The following EYS variants were observed in gnomAD, a reference collection of about 807,000 sequenced individuals.
EYS encodes protein eyes shut homolog.
EYS carries 250 observed loss-of-function variants against 282.1 expected under a neutral mutation model. The ratio of observed to expected loss-of-function variants is 0.89; its 90% CI spans 0.80 to 0.98. The LOEUF (loss-of-function observed/expected upper bound fraction) is 0.98, where lower values mean the gene tolerates loss of function less well. EYS is among the 50% of genes least tolerant of loss of function. EYS has a pLI of 0.00. For synonymous variants in EYS, 1,355 were observed against 1,282.9 expected, an observed-to-expected ratio of 1.06 and a Z score of -1.20; for missense variants, 4,016 against 3,709.0, an observed-to-expected ratio of 1.08 and a Z score of -2.15.
In EYS at chr6:65,326,193, T is replaced by A. The variant is rs182946115; in HGVS notation, c.1766+8787A>T. Among the ~76,000 whole-genome samples, 599 of 152,108 alleles carry A rather than the reference T, an allele frequency of 3.9e-3. 1 individual carries two copies. Among genetic ancestry groups the A allele is most frequent in the Non-Finnish European group, 6.2e-3 (420 of 67,934 alleles). The stretch of plus-strand genomic sequence containing the variant: ...TATACATTTTTATATAACACCTGTA[T>A]CTGTTTTTCCTTTAATTGCTTCTCA... On this transcript the variant is annotated intron_variant, in intron 11 of 42. Coordinates refer to ENST00000503581, the MANE Select transcript of EYS (RefSeq NM_001142800.2).
chr6:64,320,876 C>T (rs1308722283), intron 29 of EYS, among the ~76,000 whole-genome samples: 1 of 151,674 alleles, frequency 6.6e-6, no homozygotes, highest in Non-Finnish European at 1.5e-5. Flanking sequence ...AACCTATATG[C>T]TTTTTAAAAA....
chr6:64,589,869 T>C (rs563736729), intron 26 of EYS, among the ~76,000 whole-genome samples: 23 of 152,250 alleles, frequency 1.5e-4, no homozygotes, highest in Admixed American at 9.2e-4. Flanking sequence ...GAGTATGTTA[T>C]ATTGTGTTCA....
At chr6:64,012,893 G>C (rs960397279) in intron 33 of EYS, among the ~76,000 whole-genome samples, 6 of 152,150 alleles carry the variant, frequency 3.9e-5, no homozygotes, top group African/African-American at 1.4e-4. Flanking sequence ...TCGTCACAGA[G>C]TTGGCCAGCC....
At chr6:64,616,380 A>G (rs921159058) in intron 24 of EYS, among the ~76,000 whole-genome samples, 1 of 152,086 alleles carries the variant, frequency 6.6e-6, no homozygotes, top group African/African-American at 2.4e-5. Context: ...CCTAGGGCAA[A>G]TCCAAAATTA....
chr6:63,864,409 T>G, intron 35 of EYS, 51 bp from the exon 36 acceptor site: 1 of 1,358,992 alleles, frequency 7.4e-7, no homozygotes, highest in Non-Finnish European at 1.0e-6. Context: ...TGATATTTTC[T>G]ACACACATAC....
chr6:64,878,649 G>A (rs1766824389), intron 19 of EYS, among the ~76,000 whole-genome samples: 1 of 151,486 alleles, frequency 6.6e-6, no homozygotes, highest in African/African-American at 2.4e-5. Context: ...TTCTCTGTGT[G>A]TGTTTGCGTG....
intron 15 of EYS, among the ~76,000 whole-genome samples, chr6:64,940,195 T>G (rs1769043519): frequency 6.6e-6 from 1 of 152,024 alleles, no homozygotes; most frequent in South Asian, 2.1e-4. Context: ...TCTAACATCC[T>G]TTTATTTAGA....
At chr6:64,703,056 T>C (rs1203068482) in intron 22 of EYS, among the ~76,000 whole-genome samples, 1 of 152,006 alleles carries the variant, frequency 6.6e-6, no homozygotes, top group African/African-American at 2.4e-5. Flanking sequence ...TTCAGAAATT[T>C]TGCTGTAATC....
intron 26 of EYS, among the ~76,000 whole-genome samples, chr6:64,520,664 T>C (rs755996238): frequency 3.3e-5 from 5 of 151,808 alleles, no homozygotes; most frequent in Non-Finnish European, 7.4e-5. Flanking sequence ...AGACTGGATA[T>C]GCACATTGAG....
At chr6:65,114,381 G>A (rs1775307636) in intron 12 of EYS, among the ~76,000 whole-genome samples, 1 of 148,916 alleles carries the variant, frequency 6.7e-6, no homozygotes, top group Admixed American at 6.7e-5. Context: ...AGCAGCAGCA[G>A]CAGAATCTTT....
intron 2 of EYS, among the ~76,000 whole-genome samples, chr6:65,629,908 C>T (rs1766853806): frequency 1.3e-5 from 2 of 152,134 alleles, no homozygotes; most frequent in South Asian, 2.1e-4. Context: ...TAAAAAAATC[C>T]TGCACAGCCT....
chr6:64,676,933 G>A (rs776041718), intron 22 of EYS, among the ~76,000 whole-genome samples: 4 of 152,048 alleles, frequency 2.6e-5, no homozygotes, highest in Admixed American at 2.0e-4. Context: ...ATGAATCAAC[G>A]TATGAATTTT....
At chr6:65,236,281 A>G (rs10485312) in intron 12 of EYS, among the ~76,000 whole-genome samples, 35,954 of 151,930 alleles carry the variant, frequency 0.24, 4,409 homozygotes, top group Middle Eastern at 0.28. Flanking sequence ...TACATACTCA[A>G]TTACACCATA....
intron 34 of EYS, among the ~76,000 whole-genome samples, chr6:63,988,307 G>C (rs1331842274): frequency 1.3e-5 from 2 of 151,622 alleles, no homozygotes; most frequent in African/African-American, 4.8e-5. Context: ...GTTTTGACAA[G>C]TGTGCTCTTT....
chr6:64,439,288 T>C lies in EYS; in HGVS notation c.5709A>G (p.Pro1903=). 6.5e-7 allele frequency: 1 copy of C among 1,527,234 alleles called. No homozygotes were observed. The highest frequency in any genetic ancestry group is 8.8e-7 in the Non-Finnish European group (1 of 1,136,974). The allele number at this position is 1,527,234 out of a possible 1,614,324, so 94.6% of individuals were successfully genotyped here. Residue 1903 remains proline (P), a synonymous_variant, in exon 27 of 43, where the codon CCA becomes CCG. Transcript: ENST00000503581. ...YLEFQNVALN[P]QNNISLEFQT... ...GAAATTCTAGGGAGATGTTATTTTG[T>C]GGATTTAAAGCCACATTCTGAAATT...
In EYS at chr6:65,274,909, G is replaced by GGAGAGAGA. The variant is rs3042964; in HGVS notation, c.2023+20946_2023+20953dup. ...GGTTCCTCCTACAGCCAAAAAAAAA[G>GGAGAGAGA]GAGAGAGAGAGAGAGAGAGAGAGAG... On this transcript the variant is annotated intron_variant, in intron 12 of 42. Coordinates refer to ENST00000503581, the MANE Select transcript of EYS (RefSeq NM_001142800.2). Among the ~76,000 whole-genome samples, 114 of 148,524 alleles carry GGAGAGAGA rather than the reference G, an allele frequency of 7.7e-4. 1 individual carries two copies. Among genetic ancestry groups the GGAGAGAGA allele is most frequent in the Middle Eastern group, 3.5e-3 (1 of 288 alleles).
chr6:64,719,360 T>C (rs58879367), intron 22 of EYS, among the ~76,000 whole-genome samples: 19,092 of 152,166 alleles, frequency 0.13, 1,398 homozygotes, highest in East Asian at 0.35. Flanking sequence ...ATGGGAACAA[T>C]AGAAAATGTA....
intron 29 of EYS, among the ~76,000 whole-genome samples, chr6:64,384,596 T>C (rs1772850660): frequency 6.6e-6 from 1 of 152,174 alleles, no homozygotes; most frequent in African/African-American, 2.4e-5. Context: ...ACATCTGCAT[T>C]TACTAGGAAT....
chr6:65,513,676 C>G (rs945810494), intron 2 of EYS, among the ~76,000 whole-genome samples: 8 of 151,956 alleles, frequency 5.3e-5, no homozygotes, highest in Admixed American at 2.6e-4. Flanking sequence ...ATGAACAGAA[C>G]CAAAGACAAA....
Sources: gnomAD v4.1 joint callset for allele counts (sites outside exome capture counted in the v4.1 genomes callset) on GRCh38, gnomAD v4.1.1 for gene constraint, MANE v1.5 for transcripts, NCBI Gene and HGNC (gene_info 2026-07-23, HGNC 2026-07-21) for gene names.